Variants in DNAH6 observed in about 807,000 individuals in gnomAD.
The protein encoded by DNAH6 is dynein axonemal heavy chain 6.
Under a neutral mutation model 491.4 loss-of-function variants are expected in DNAH6, and 340 were observed. The ratio of observed to expected loss-of-function variants is 0.69; its 90% CI spans 0.63 to 0.76. DNAH6 has a LOEUF of 0.76. Ranked by LOEUF, DNAH6 falls within the 30% of genes least tolerant of loss-of-function variation. DNAH6 has a pLI of 0.00. For synonymous variants in DNAH6, 1,603 were observed against 1,686.1 expected, an observed-to-expected ratio of 0.95 and a Z score of 1.21; for missense variants, 4,443 against 4,972.2, an observed-to-expected ratio of 0.89 and a Z score of 3.20.
rs971425003 is a variant in DNAH6, at chr2:84,637,197, T to C, written c.4654-13T>C. 3 of 1,522,400 alleles carry C rather than the reference T, an allele frequency of 2.0e-6. No homozygotes were observed. The East Asian group carries it at 7.4e-5, about 38-fold the overall frequency. The allele number at this position is 1,522,400 out of a possible 1,614,324, so 94.3% of individuals were successfully genotyped here. A position where few individuals can be genotyped will look rare whatever the true frequency, so the allele number is the denominator to read the frequency against. ...TCTGGAAGAGTGTTAACTTATATTT[T>C]ATCTTCGAACAGCTCTCTAGATTCA... On this transcript the variant is annotated splice_polypyrimidine_tract_variant and intron_variant, in intron 30 of 76. Coordinates refer to ENST00000389394, the MANE Select transcript of DNAH6 (RefSeq NM_001370.2).
intron 4 of DNAH6, among the ~76,000 whole-genome samples, chr2:84,535,192 T>C (rs1396106842): frequency 6.6e-6 from 1 of 152,012 alleles, no homozygotes; most frequent in Non-Finnish European, 1.5e-5. Flanking sequence ...GAATACTTCA[T>C]GGTAATATGG....
At chr2:84,629,364 T>TC (rs1553448850) in intron 29 of DNAH6, among the ~76,000 whole-genome samples, 1 of 152,176 alleles carries the variant, frequency 6.6e-6, no homozygotes, top group South Asian at 2.1e-4. Context: ...TAATTTATAC[T>TC]CCCCCTGCAA....
At chr2:84,804,292 A>C (rs937266200) in intron 70 of DNAH6, among the ~76,000 whole-genome samples, 3 of 151,914 alleles carry the variant, frequency 2.0e-5, no homozygotes, top group Admixed American at 6.6e-5. Flanking sequence ...ATTACAATGC[A>C]TTTATACCAT....
chr2:84,465,269 G>A, the DNAH6 span, among the ~76,000 whole-genome samples: 1 of 152,178 alleles, frequency 6.6e-6, no homozygotes, highest in African/African-American at 2.4e-5. Flanking sequence ...GCTGAGGTGA[G>A]CAGATCACGA....
intron 29 of DNAH6, 101 bp downstream of exon 29, chr2:84,625,164 A>G: frequency 2.7e-6 from 3 of 1,127,716 alleles, no homozygotes; most frequent in Non-Finnish European, 3.6e-6. Flanking sequence ...AGTGATGACA[A>G]GCAAGAGAAA....
intron 18 of DNAH6, among the ~76,000 whole-genome samples, chr2:84,598,554 C>T (rs6547571): frequency 0.96 from 146,904 of 152,302 alleles, 70,897 homozygotes; most frequent in East Asian, 1. Context: ...AGTAAGCATA[C>T]GTTTAACTTT....
intron 60 of DNAH6, among the ~76,000 whole-genome samples, chr2:84,724,854 A>G (rs549737571): frequency 6.6e-6 from 1 of 152,330 alleles, no homozygotes; most frequent in Admixed American, 6.5e-5. Context: ...GATTTCATGC[A>G]CCATCAATTC....
intron 16 of DNAH6, among the ~76,000 whole-genome samples, chr2:84,589,745 G>T (rs1484206984): frequency 6.7e-6 from 1 of 149,128 alleles, no homozygotes. Flanking sequence ...AGGTATATTT[G>T]AAAGGCTAAT....
At chr2:84,766,604 T>G (rs1013167444) in intron 64 of DNAH6, among the ~76,000 whole-genome samples, 3 of 152,134 alleles carry the variant, frequency 2.0e-5, no homozygotes, top group Non-Finnish European at 4.4e-5. Context: ...ATATTTCCAC[T>G]AAGAACACCT....
chr2:84,807,382 A>G (rs1679518881), intron 71 of DNAH6, among the ~76,000 whole-genome samples: 1 of 152,232 alleles, frequency 6.6e-6, no homozygotes, highest in Non-Finnish European at 1.5e-5. Flanking sequence ...TTCGTAGCTC[A>G]TATCGTTCTT....
intron 21 of DNAH6, among the ~76,000 whole-genome samples, chr2:84,607,443 T>G (rs904613351): frequency 1.3e-5 from 2 of 151,990 alleles, no homozygotes; most frequent in Non-Finnish European, 2.9e-5. Context: ...TAGGAACACA[T>G]GGACATAAAG....
chr2:84,786,795 C>T (rs1677245085), intron 67 of DNAH6, among the ~76,000 whole-genome samples: 2 of 152,126 alleles, frequency 1.3e-5, no homozygotes, highest in Non-Finnish European at 2.9e-5. Flanking sequence ...GGGAGTAGCT[C>T]TCTCCACCAG....
At chr2:84,598,127 T>TTTTTTCTTTCTTTC (rs1553438005) in intron 18 of DNAH6, among the ~76,000 whole-genome samples, 3 of 109,314 alleles carry the variant, frequency 2.7e-5, no homozygotes, top group African/African-American at 6.9e-5. Context: ...TCTATCTTTC[T>TTTTTTCTTTCTTTC]TTTCTTTCTT....
At chr2:84,511,665 C>T (rs1186030055), upstream of DNAH6, among the ~76,000 whole-genome samples, 3 of 152,182 alleles carry the variant, frequency 2.0e-5, no homozygotes, top group Non-Finnish European at 2.9e-5. Flanking sequence ...CTGTATCGCT[C>T]ACGCTGGGAG....
At chr2:84,624,166 T>C in intron 26 of DNAH6, 99 bp from the exon 27 acceptor site, 1 of 1,130,186 alleles carries the variant, frequency 8.8e-7, no homozygotes. Flanking sequence ...AATTAGCTGG[T>C]TTTTAGCAAT....
At chr2:84,475,929 C>T in the DNAH6 span, among the ~76,000 whole-genome samples, 314 of 152,232 alleles carry the variant, frequency 2.1e-3, 1 homozygote, top group Non-Finnish European at 3.3e-3. Flanking sequence ...CAACATCCTC[C>T]ATTACTGCTT....
chr2:84,756,669 G>A (rs1360863586), intron 63 of DNAH6, among the ~76,000 whole-genome samples: 1 of 152,164 alleles, frequency 6.6e-6, no homozygotes, highest in Non-Finnish European at 1.5e-5. Flanking sequence ...AGAAAACACA[G>A]AACCATGCCC....
In DNAH6 at chr2:84,777,997, A is replaced by G. The variant is rs531154288; in HGVS notation, c.10704-3496A>G. On this transcript the variant is annotated intron_variant, in intron 64 of 76. Transcript: ENST00000389394. ...TGACCAGCTTGGAATTTGCAGTTAC[A>G]TTATAGTCTTTGCCAGAGACAATCT... The G allele has an allele frequency of 5.3e-5, 51 of 964,206 alleles. No homozygotes were observed. In the African/African-American group the frequency reaches 7.2e-4, roughly 14 times the overall value. 59.7% of individuals were successfully genotyped at this position (964,206 alleles called of 1,614,324 possible). A position where few individuals can be genotyped will look rare whatever the true frequency, so the allele number is the denominator to read the frequency against.
chr2:84,704,246 GC>G lies in DNAH6; in HGVS notation c.8414del (p.Pro2805GlnfsTer5), dbSNP rs2104839767. On this transcript the variant is annotated frameshift_variant, in exon 51 of 77. Transcript: ENST00000389394. LOFTEE classifies it high-confidence loss of function. Reference sequence around the variant, plus strand: ...TATCTGAAATCAGAGTTTTTACAAAGCCCCCAGATTTGGTCATGACAGTAAT... The same window carrying G: ...TATCTGAAATCAGAGTTTTTACAAAGCCCCAGATTTGGTCATGACAGTAAT... The part of the protein sequence containing the change: ...DISEIRVFTK[P>X]PDLVMTVMEA... 1 of 1,551,692 alleles carries G rather than the reference GC, an allele frequency of 6.4e-7. No individual in the cohort carries two copies. Among genetic ancestry groups the G allele is most frequent in the Middle Eastern group, 1.7e-4 (1 of 5,992 alleles).
Sources: gnomAD v4.1 joint callset for allele counts (sites outside exome capture counted in the v4.1 genomes callset) on GRCh38, gnomAD v4.1.1 for gene constraint, MANE v1.5 for transcripts, NCBI Gene and HGNC (gene_info 2026-07-23, HGNC 2026-07-21) for gene names.